GMDS: variants seen among roughly 807,000 people sequenced by gnomAD.
GMDS encodes GDP-mannose 4,6-dehydratase.
In GMDS, 20 loss-of-function variants were observed where a neutral mutation model predicts 49.9. The observed-to-expected ratio is 0.40, with a 90% CI of 0.28 to 0.58. The LOEUF (loss-of-function observed/expected upper bound fraction) is 0.58. GMDS is among the 20% of genes least tolerant of loss of function. The probability of loss-of-function intolerance (pLI) is 0.42; values close to 1 mark genes in which losing one functional copy is unlikely to be tolerated. For missense variants in GMDS, 362 were observed against 481.4 expected (o/e 0.75, Z 2.32); for synonymous variants, 177 against 178.6 (o/e 0.99, Z 0.07).
chr6:1,937,251 C>T lies in GMDS; in HGVS notation c.644-7021G>A, dbSNP rs144893571. Among the ~76,000 whole-genome samples the T allele has an allele frequency of 2.3e-3, 351 of 152,236 alleles. 2 individuals carry two copies. The highest frequency in any genetic ancestry group is 7.9e-3 in the African/African-American group (327 of 41,524). On this transcript the variant is annotated intron_variant, in intron 6 of 10. Coordinates refer to ENST00000380815, the MANE Select transcript of GMDS (RefSeq NM_001500.4). Reference sequence around the variant, plus strand: ...TTCTCAGAACAAATCCCTGTGGTTCCGTGACGCATGACTGTAGGTAGATGC... The same window carrying T: ...TTCTCAGAACAAATCCCTGTGGTTCTGTGACGCATGACTGTAGGTAGATGC...
chr6:2,110,956 A>G (rs879931614), intron 4 of GMDS, among the ~76,000 whole-genome samples: 4 of 152,202 alleles, frequency 2.6e-5, no homozygotes, highest in Non-Finnish European at 5.9e-5. Context: ...CACATTCCAC[A>G]ATGGAATAAC....
intron 7 of GMDS, among the ~76,000 whole-genome samples, chr6:1,770,449 G>A (rs1244463515): frequency 2.0e-5 from 3 of 152,202 alleles, no homozygotes; most frequent in Admixed American, 1.3e-4. Context: ...GAATCTGACC[G>A]TGGAGCACAC....
intron 9 of GMDS, among the ~76,000 whole-genome samples, chr6:1,670,688 T>C (rs765421056): frequency 6.6e-6 from 1 of 152,184 alleles, no homozygotes. Context: ...CTTCCTAAGG[T>C]AATAGTTCAG....
intron 1 of GMDS, among the ~76,000 whole-genome samples, chr6:2,152,688 C>T (rs764476846): frequency 1.1e-4 from 16 of 151,998 alleles, no homozygotes; most frequent in Admixed American, 2.6e-4. Context: ...CTCTAATTAA[C>T]TTTAAGTTTA....
chr6:1,652,737 GAGAGAC>G (rs1763753334), intron 9 of GMDS, among the ~76,000 whole-genome samples: 1 of 92,804 alleles, frequency 1.1e-5, no homozygotes, highest in African/African-American at 4.6e-5. Flanking sequence ...GAGAGAGAGA[GAGAGAC>G]AGACAGACAG....
chr6:1,645,162 C>T (rs1449444884), intron 9 of GMDS, among the ~76,000 whole-genome samples: 1 of 152,034 alleles, frequency 6.6e-6, no homozygotes, highest in Non-Finnish European at 1.5e-5. Flanking sequence ...TCTCGAACTC[C>T]TGACCTCGTA....
At chr6:1,951,740 C>G (rs1408390009) in intron 6 of GMDS, 2 of 306,746 alleles carry the variant, frequency 6.5e-6, no homozygotes, top group Non-Finnish European at 9.6e-6. Flanking sequence ...TTACCAACTT[C>G]TTGATAACAG....
Position 2,112,209 on chromosome 6 carries a change from G to T in GMDS, c.345+3562C>A, listed in dbSNP as rs1165179142. 2.0e-5 allele frequency among the ~76,000 whole-genome samples: 3 copies of T among 152,178 alleles called. No individual in the cohort carries two copies. The East Asian group carries it at 5.8e-4, about 29-fold the overall frequency. On this transcript the variant is annotated intron_variant, in intron 4 of 10. Coordinates refer to ENST00000380815, the MANE Select transcript of GMDS (RefSeq NM_001500.4). Reference sequence around the variant, plus strand: ...AGAAAAAGAGGTTTCTGAATATCAAGAACTTTGATACAAACATATATCATA... The same window carrying T: ...AGAAAAAGAGGTTTCTGAATATCAATAACTTTGATACAAACATATATCATA...
intron 4 of GMDS, among the ~76,000 whole-genome samples, chr6:2,087,928 T>G (rs1773104606): frequency 6.6e-6 from 1 of 152,208 alleles, no homozygotes. Flanking sequence ...TCTGTTGACA[T>G]TTTGTTTATG....
chr6:1,914,232 G>C (rs1018383812), intron 7 of GMDS, among the ~76,000 whole-genome samples: 12 of 150,174 alleles, frequency 8.0e-5, no homozygotes, highest in African/African-American at 2.7e-4. Flanking sequence ...TGAGGCCGGG[G>C]TATCATGAGG....
At chr6:1,794,397 C>T (rs1769657209) in intron 7 of GMDS, among the ~76,000 whole-genome samples, 1 of 151,952 alleles carries the variant, frequency 6.6e-6, no homozygotes, top group African/African-American at 2.4e-5. Flanking sequence ...AACAAAGACA[C>T]ATGTATATCA....
At chr6:1,720,372 C>G (rs549069375) in intron 9 of GMDS, among the ~76,000 whole-genome samples, 2 of 151,998 alleles carry the variant, frequency 1.3e-5, no homozygotes, top group Admixed American at 6.5e-5. Flanking sequence ...ACTTAAAGCT[C>G]CCTTGGTTAA....
At chr6:2,170,215 AAGAG>A (rs1165540755) in intron 1 of GMDS, among the ~76,000 whole-genome samples, 4 of 151,958 alleles carry the variant, frequency 2.6e-5, no homozygotes, top group Non-Finnish European at 4.4e-5. Flanking sequence ...AAAAAAAAAA[AAGAG>A]AGAAAGAAAG....
chr6:1,945,337 C>T (rs1763029424), intron 6 of GMDS, among the ~76,000 whole-genome samples: 1 of 152,034 alleles, frequency 6.6e-6, no homozygotes, highest in Non-Finnish European at 1.5e-5. Flanking sequence ...CTCTCAAGCT[C>T]ACCAGAGCAG....
At chr6:1,810,508 C>T (rs542895710) in intron 7 of GMDS, among the ~76,000 whole-genome samples, 1 of 152,194 alleles carries the variant, frequency 6.6e-6, no homozygotes, top group African/African-American at 2.4e-5. Context: ...GTCTCGAACT[C>T]TTGACCTCAG....
intron 4 of GMDS, among the ~76,000 whole-genome samples, chr6:2,021,046 C>A (rs1266988231): frequency 6.6e-6 from 1 of 152,244 alleles, no homozygotes; most frequent in Non-Finnish European, 1.5e-5. Context: ...CTTCTCCCAG[C>A]TGCTTCTCCT....
chr6:2,039,428 C>T (rs1447493334), intron 4 of GMDS, among the ~76,000 whole-genome samples: 2 of 152,010 alleles, frequency 1.3e-5, no homozygotes, highest in Admixed American at 6.6e-5. Context: ...CTTAGCTCAC[C>T]ATAAATTTTT....
intron 4 of GMDS, among the ~76,000 whole-genome samples, chr6:2,109,182 C>A (rs112908317): frequency 9.8e-5 from 15 of 152,294 alleles, no homozygotes; most frequent in African/African-American, 3.4e-4. Context: ...AGGCAGCACA[C>A]TGGGACTGAA....
At chr6:1,730,471 CA>C (rs1462650879) in intron 8 of GMDS, among the ~76,000 whole-genome samples, 6 of 152,144 alleles carry the variant, frequency 3.9e-5, no homozygotes, top group African/African-American at 1.4e-4. Flanking sequence ...GACCTGATTG[CA>C]AATCTCCATA....
Sources: gnomAD v4.1 joint callset for allele counts (sites outside exome capture counted in the v4.1 genomes callset) on GRCh38, gnomAD v4.1.1 for gene constraint, MANE v1.5 for transcripts, NCBI Gene and HGNC (gene_info 2026-07-23, HGNC 2026-07-21) for gene names.